Variants in MYT1L observed in about 807,000 individuals in gnomAD.
MYT1L encodes the protein myelin transcription factor 1 like, also known as myelin transcription factor 1-like protein.
MYT1L carries 12 observed loss-of-function variants against 126.7 expected under a neutral mutation model. The ratio of observed to expected loss-of-function variants is 0.09; its 90% CI spans 0.06 to 0.15. The LOEUF (loss-of-function observed/expected upper bound fraction) is 0.15. MYT1L is among the 10% of genes least tolerant of loss of function. The pLI is 1.00. For synonymous variants in MYT1L, 541 were observed against 604.2 expected, an observed-to-expected ratio of 0.90 and a Z score of 1.53; for missense variants, 979 against 1,585.2, an observed-to-expected ratio of 0.62 and a Z score of 6.49.
chr2:1,954,337 C>T (rs1194373353), intron 8 of MYT1L, among the ~76,000 whole-genome samples: 1 of 152,184 alleles, frequency 6.6e-6, no homozygotes, highest in Non-Finnish European at 1.5e-5. Flanking sequence ...ATTTGACGCC[C>T]CAGCCACAGT....
chr2:1,928,631 G>A (rs1036847681), intron 9 of MYT1L, among the ~76,000 whole-genome samples: 5 of 152,086 alleles, frequency 3.3e-5, no homozygotes, highest in African/African-American at 4.8e-5. Context: ...CTCACCATTC[G>A]GAATGTTTTT....
At chr2:1,796,972 T>C (rs1164495847) in intron 23 of MYT1L, among the ~76,000 whole-genome samples, 1 of 152,198 alleles carries the variant, frequency 6.6e-6, no homozygotes, top group Non-Finnish European at 1.5e-5. Flanking sequence ...AACTTCTGGG[T>C]GTCCCCTGGG....
chr2:2,280,543 A>C (rs2095433092), intron 2 of MYT1L, among the ~76,000 whole-genome samples: 1 of 152,186 alleles, frequency 6.6e-6, no homozygotes, highest in Non-Finnish European at 1.5e-5. Context: ...CCTTGTGCAC[A>C]TTACATAACG....
At chr2:1,987,411 G>A (rs1162117639) in intron 5 of MYT1L, among the ~76,000 whole-genome samples, 5 of 151,706 alleles carry the variant, frequency 3.3e-5, no homozygotes, top group South Asian at 2.1e-4. Context: ...TCAGATGGCC[G>A]GAGTGGAGGT....
intron 3 of MYT1L, among the ~76,000 whole-genome samples, chr2:2,083,546 C>T (rs2076052940): frequency 6.6e-6 from 1 of 152,252 alleles, no homozygotes; most frequent in South Asian, 2.1e-4. Context: ...CCACTGCAAG[C>T]CACCTTTCCT....
intron 8 of MYT1L, among the ~76,000 whole-genome samples, chr2:1,958,533 G>C (rs1260416445): frequency 6.6e-6 from 1 of 152,244 alleles, no homozygotes; most frequent in Non-Finnish European, 1.5e-5. Context: ...GGCCTCAGCT[G>C]TTTTCTGGAA....
chr2:2,172,517 T>C (rs979013337), intron 3 of MYT1L, among the ~76,000 whole-genome samples: 4 of 152,208 alleles, frequency 2.6e-5, no homozygotes, highest in East Asian at 3.9e-4. Flanking sequence ...CCGGAAGCCA[T>C]GAAGCACCAG....
At chr2:2,103,257 T>C (rs749289081) in intron 3 of MYT1L, among the ~76,000 whole-genome samples, 3 of 152,050 alleles carry the variant, frequency 2.0e-5, no homozygotes, top group Admixed American at 1.3e-4. Flanking sequence ...ATTTGAAAAA[T>C]TAATCATCCT....
chr2:1,912,935 A>G lies in MYT1L; in HGVS notation c.1619-825T>C, dbSNP rs1211283062. On this transcript the variant is annotated intron_variant, in intron 11 of 24. Coordinates refer to ENST00000647738, the MANE Select transcript of MYT1L (RefSeq NM_001303052.2). The surrounding 1 kb of genome is among the most constrained non-coding windows in gnomAD (Gnocchi z 4.3). ...GGGTTCTGGGGGAAGGTTAGCAGGGACGAAGGGACCCCCACACGGACCCTG... is the reference window on the plus strand; with the variant it reads ...GGGTTCTGGGGGAAGGTTAGCAGGGGCGAAGGGACCCCCACACGGACCCTG... Among the ~76,000 whole-genome samples, 4 of 152,192 alleles carry G rather than the reference A, an allele frequency of 2.6e-5. No individual in the cohort carries two copies. The East Asian group carries it at 7.8e-4, about 29-fold the overall frequency.
chr2:2,152,545 G>T (rs765838033), intron 3 of MYT1L, among the ~76,000 whole-genome samples: 4 of 152,112 alleles, frequency 2.6e-5, no homozygotes, highest in Non-Finnish European at 5.9e-5. Context: ...TGCAGGAGAC[G>T]ATTACATGGT....
chr2:2,250,272 T>C (rs1261461397), intron 2 of MYT1L, among the ~76,000 whole-genome samples: 1 of 152,100 alleles, frequency 6.6e-6, no homozygotes, highest in African/African-American at 2.4e-5. Context: ...AACCTAAGTG[T>C]CCATCAACAG....
At chr2:2,032,355 C>A (rs2066413692) in intron 4 of MYT1L, among the ~76,000 whole-genome samples, 1 of 111,238 alleles carries the variant, frequency 9.0e-6, no homozygotes, top group Admixed American at 8.2e-5. Flanking sequence ...TATACACACA[C>A]CCGTCGCCAG....
chr2:1,932,180 A>G (rs1480496773), intron 9 of MYT1L, among the ~76,000 whole-genome samples: 1 of 152,214 alleles, frequency 6.6e-6, no homozygotes, highest in Admixed American at 6.5e-5. Flanking sequence ...GTCTCTCAGA[A>G]GAATGATCTT....
rs188560689 is a variant in MYT1L, at chr2:2,017,862, T to A, written c.-157-20515A>T. On this transcript the variant is annotated intron_variant, in intron 4 of 24. Transcript: ENST00000647738. ...ACTGCATTTCAATTTCTTTTATATT[T>A]TTCAAAATTTTGGACCTTTAAGGAT... Among the ~76,000 whole-genome samples, 447 of 152,308 alleles carry A rather than the reference T, an allele frequency of 2.9e-3. 1 individual carries two copies. The highest frequency in any genetic ancestry group is 4.5e-3 in the Non-Finnish European group (303 of 68,022).
chr2:1,965,699 C>T (rs1475183455), intron 8 of MYT1L, among the ~76,000 whole-genome samples: 6 of 152,354 alleles, frequency 3.9e-5, no homozygotes, highest in African/African-American at 9.6e-5. Flanking sequence ...ATGAAGGCCC[C>T]GCCATCATCC....
intron 2 of MYT1L, among the ~76,000 whole-genome samples, chr2:2,253,469 T>C (rs2094713707): frequency 6.6e-6 from 1 of 152,212 alleles, no homozygotes; most frequent in South Asian, 2.1e-4. Context: ...ACTGATAATG[T>C]CTTCACTTCT....
intron 2 of MYT1L, among the ~76,000 whole-genome samples, chr2:2,253,140 A>T (rs924199492): frequency 4.7e-5 from 7 of 149,692 alleles, no homozygotes; most frequent in African/African-American, 9.9e-5. Context: ...AAAAGAATTT[A>T]AAAAAAAAAG....
intron 3 of MYT1L, among the ~76,000 whole-genome samples, chr2:2,127,065 C>T (rs1202202085): frequency 6.6e-6 from 1 of 152,194 alleles, no homozygotes; most frequent in African/African-American, 2.4e-5. Flanking sequence ...CTAGTCAACC[C>T]ACCTTTAAAT....
chr2:1,989,459 G>T (rs183916856), intron 5 of MYT1L, among the ~76,000 whole-genome samples: 18 of 152,264 alleles, frequency 1.2e-4, no homozygotes, highest in African/African-American at 4.1e-4. Context: ...GCAGCCCTCA[G>T]CATGGCACTT....
Sources: allele counts gnomAD v4.1 joint callset (sites outside exome capture counted in the v4.1 genomes callset), GRCh38; gene constraint gnomAD v4.1.1; non-coding constraint Gnocchi (gnomAD v3.1); transcripts MANE v1.5; gene names NCBI Gene and HGNC (gene_info 2026-07-23, HGNC 2026-07-21).